Variants in BPGM observed in about 807,000 individuals in gnomAD.
The protein encoded by BPGM is 2,3-bisphosphoglycerate mutase, erythrocyte.
BPGM carries 15 observed loss-of-function variants against 21.6 expected under a neutral mutation model. That is an observed-to-expected ratio of 0.70 (90% CI 0.47 to 1.07). The LOEUF (loss-of-function observed/expected upper bound fraction) is 1.07. Ranked by LOEUF, BPGM falls within the 50% of genes least tolerant of loss-of-function variation. The pLI is 0.00. For synonymous variants in BPGM, 113 were observed against 116.2 expected, an observed-to-expected ratio of 0.97 and a Z score of 0.18; for missense variants, 273 against 319.0, an observed-to-expected ratio of 0.86 and a Z score of 1.10.
At chr7:134,647,888 A>C (rs2881704) in intron 1 of BPGM, among the ~76,000 whole-genome samples, 111,044 of 152,108 alleles carry the variant, frequency 0.73, 42,067 homozygotes, top group East Asian at 0.96. Context: ...ACCTCCGCCT[A>C]CCGGGTTCAA....
chr7:134,666,232 T>C (rs1429567081), intron 2 of BPGM, among the ~76,000 whole-genome samples: 8 of 152,186 alleles, frequency 5.3e-5, no homozygotes, highest in Non-Finnish European at 1.5e-5. Context: ...CCTATTACCA[T>C]AAACAGGCTT....
intron 2 of BPGM, among the ~76,000 whole-genome samples, chr7:134,678,367 A>C (rs1317272004): frequency 6.6e-6 from 1 of 152,188 alleles, no homozygotes; most frequent in Non-Finnish European, 1.5e-5. Flanking sequence ...AGCTCAGGGT[A>C]TTGCAAGCTC....
intron 1 of BPGM, among the ~76,000 whole-genome samples, chr7:134,656,656 A>G (rs764658026): frequency 7.2e-5 from 11 of 152,306 alleles, no homozygotes; most frequent in Non-Finnish European, 1.5e-4. Flanking sequence ...CTCACTTTCT[A>G]TCATAAGAAC....
chr7:134,663,988 T>C (rs1430890502), intron 2 of BPGM, among the ~76,000 whole-genome samples: 1 of 152,204 alleles, frequency 6.6e-6, no homozygotes, highest in East Asian at 1.9e-4. Context: ...GAGAATTACA[T>C]GTAGAGGTTG....
chr7:134,666,022 T>C (rs4728331), intron 2 of BPGM, among the ~76,000 whole-genome samples: 88,870 of 151,710 alleles, frequency 0.59, 27,096 homozygotes, highest in East Asian at 0.89. Flanking sequence ...GGATTATAGG[T>C]GTGTACCACC....
chr7:134,660,120 T>C (rs1301280792), intron 1 of BPGM, among the ~76,000 whole-genome samples: 3 of 152,190 alleles, frequency 2.0e-5, no homozygotes, highest in Admixed American at 6.5e-5. Context: ...TTGCCTTCCA[T>C]TGAAATATAA....
chr7:134,655,683 T>C (rs1482414861), intron 1 of BPGM, among the ~76,000 whole-genome samples: 5 of 152,232 alleles, frequency 3.3e-5, no homozygotes, highest in Non-Finnish European at 5.9e-5. Flanking sequence ...AAGTTAAAGT[T>C]TCCTAACATC....
chr7:134,658,206 T>A (rs1012585457), intron 1 of BPGM: 6 of 152,068 alleles, frequency 3.9e-5, no homozygotes, highest in Non-Finnish European at 5.9e-5. Context: ...TTACATGAAT[T>A]TTTAGGAGGT....
rs538217108 is a variant in BPGM at position 134,652,693 on chromosome 7, T to C, written c.-62+5756T>C. Among the ~76,000 whole-genome samples, 4 of 152,338 alleles carry C rather than the reference T, an allele frequency of 2.6e-5. No homozygotes were observed. The South Asian group carries it at 8.3e-4, about 32-fold the overall frequency. On this transcript the variant is annotated intron_variant, in intron 1 of 2. Transcript: ENST00000344924. ...ATTGCAATACATTCAATTTTCAAAA[T>C]TTTTAGCTCCCACATATGAGTGAAA...
At position 134,671,890 on chromosome 7, in the gene BPGM, C is replaced by T. The variant is rs570263756; in HGVS notation, c.602-6963C>T. On this transcript the variant is annotated intron_variant, in intron 2 of 2. Coordinates refer to ENST00000344924, the MANE Select transcript of BPGM (RefSeq NM_001724.5). ...ATACAGAAATGGATCAAACATTGTT[C>T]CTGCTCTCAAGGAATTTATAATCCT... Among the ~76,000 whole-genome samples, 3 of 152,270 alleles carry T rather than the reference C, an allele frequency of 2.0e-5. No individual in the cohort carries two copies. In the East Asian group the frequency reaches 5.8e-4, roughly 29 times the overall value.
chr7:134,654,586 G>A (rs1352880399), intron 1 of BPGM, among the ~76,000 whole-genome samples: 1 of 152,114 alleles, frequency 6.6e-6, no homozygotes, highest in East Asian at 1.9e-4. Context: ...ATTCACAGGT[G>A]AGCACTCTGT....
intron 1 of BPGM, among the ~76,000 whole-genome samples, chr7:134,657,964 G>A (rs2131424229): frequency 6.6e-6 from 1 of 152,224 alleles, no homozygotes. Flanking sequence ...CCTAGGGGAG[G>A]TTTCCCTTTA....
chr7:134,673,886 C>A (rs1288802814), intron 2 of BPGM, among the ~76,000 whole-genome samples: 1 of 150,202 alleles, frequency 6.7e-6, no homozygotes, highest in South Asian at 2.1e-4. Context: ...TTTATTTAAC[C>A]ACTCTGGATC....
intron 1 of BPGM, among the ~76,000 whole-genome samples, chr7:134,654,737 T>TC (rs1274952305): frequency 6.6e-6 from 1 of 152,186 alleles, no homozygotes; most frequent in African/African-American, 2.4e-5. Flanking sequence ...GGGTTTTTTT[T>TC]CTTGATGGAA....
chr7:134,673,939 G>T (rs2131459851), intron 2 of BPGM, among the ~76,000 whole-genome samples: 1 of 136,576 alleles, frequency 7.3e-6, no homozygotes, highest in South Asian at 2.4e-4. Context: ...TTGAGACAGA[G>T]TCTTGCTGTG....
At chr7:134,663,739 T>G (rs1795772726) in intron 2 of BPGM, among the ~76,000 whole-genome samples, 2 of 152,194 alleles carry the variant, frequency 1.3e-5, no homozygotes, top group South Asian at 4.1e-4. Context: ...CCTTCTTAGC[T>G]TGGAAGTCCC....
At chr7:134,655,752 CT>C (rs1795627369) in intron 1 of BPGM, among the ~76,000 whole-genome samples, 2 of 152,194 alleles carry the variant, frequency 1.3e-5, no homozygotes, top group East Asian at 3.8e-4. Flanking sequence ...AAGCCTTAGT[CT>C]CATGTGTACA....
At chr7:134,652,960 A>G (rs12668332) in intron 1 of BPGM, among the ~76,000 whole-genome samples, 15,124 of 152,224 alleles carry the variant, frequency 0.099, 1,156 homozygotes, top group African/African-American at 0.2. Flanking sequence ...TCTCTTCAGT[A>G]TACTTATTTG....
Position 134,654,809 on chromosome 7 carries a change from C to T in BPGM, c.-61-6638C>T, listed in dbSNP as rs565538576. ...CTCCACTTAGTAAGAAGTAACTAAC[C>T]TGTAGTCTTTTGAGGCACCATTTCA... is the stretch of plus-strand genomic sequence containing the variant. On this transcript the variant is annotated intron_variant, in intron 1 of 2. Transcript: ENST00000344924. 3.3e-5 allele frequency among the ~76,000 whole-genome samples: 5 copies of T among 152,154 alleles called. No homozygotes were observed. The South Asian group carries it at 8.3e-4, about 25-fold the overall frequency.
Sources: gnomAD v4.1 joint callset for allele counts (sites outside exome capture counted in the v4.1 genomes callset) on GRCh38, gnomAD v4.1.1 for gene constraint, MANE v1.5 for transcripts, NCBI Gene and HGNC (gene_info 2026-07-23, HGNC 2026-07-21) for gene names.